Variants in KCNIP4 observed in about 807,000 individuals in gnomAD.
The protein encoded by KCNIP4 is potassium voltage-gated channel interacting protein 4.
A neutral mutation model predicts 34.0 loss-of-function variants in KCNIP4; 12 were observed. That is an observed-to-expected ratio of 0.35 (90% CI 0.23 to 0.57). The LOEUF is 0.57. Among genes scored for constraint, KCNIP4 ranks in the 20% least tolerant of loss-of-function variants. The probability of loss-of-function intolerance (pLI) is 0.83; values close to 1 mark genes in which losing one functional copy is unlikely to be tolerated. For missense variants in KCNIP4, 238 were observed against 311.7 expected, an observed-to-expected ratio of 0.76 and a Z score of 1.78; for synonymous variants, 124 against 102.2, an observed-to-expected ratio of 1.21 and a Z score of -1.29.
At chr4:21,268,250 C>CTG in intron 1 of KCNIP4, among the ~76,000 whole-genome samples, 1 of 151,852 alleles carries the variant, frequency 6.6e-6, no homozygotes, top group Admixed American at 6.5e-5. Flanking sequence ...ATTCAAGTCT[C>CTG]TGTGTATTTT....
chr4:21,060,863 T>C (rs762974370), intron 1 of KCNIP4, among the ~76,000 whole-genome samples: 17 of 152,292 alleles, frequency 1.1e-4, no homozygotes, highest in Non-Finnish European at 1.9e-4. Flanking sequence ...TCTATTTGTA[T>C]ATTTATTTGT....
At chr4:20,769,239 A>G (rs1180516388) in intron 3 of KCNIP4, among the ~76,000 whole-genome samples, 1 of 152,226 alleles carries the variant, frequency 6.6e-6, no homozygotes, top group African/African-American at 2.4e-5. Flanking sequence ...TTCTAGCATA[A>G]TACTAAACAT....
At chr4:20,850,300 T>C (rs1463010606) in intron 3 of KCNIP4, 2 of 328,024 alleles carry the variant, frequency 6.1e-6, no homozygotes, top group African/African-American at 4.1e-5. Flanking sequence ...AACCAAGAAC[T>C]GAATTGAATA....
intron 1 of KCNIP4, among the ~76,000 whole-genome samples, chr4:21,803,848 A>G (rs1218934115): frequency 6.6e-6 from 1 of 152,210 alleles, no homozygotes; most frequent in East Asian, 1.9e-4. Flanking sequence ...ACAGAATAAA[A>G]GCTCCATGAG....
chr4:21,425,209 T>A (rs1725830139), intron 1 of KCNIP4, among the ~76,000 whole-genome samples: 1 of 152,138 alleles, frequency 6.6e-6, no homozygotes, highest in South Asian at 2.1e-4. Flanking sequence ...ATTAATAAAA[T>A]AAAATTATAG....
At position 21,633,091 on chromosome 4, in the gene KCNIP4, T is replaced by A. The variant is rs553492329; in HGVS notation, c.61+315480A>T. On this transcript the variant is annotated intron_variant, in intron 1 of 8. Coordinates refer to ENST00000382152, the MANE Select transcript of KCNIP4 (RefSeq NM_025221.6). ...TGGCAAATTTATACCTATCTACTCT[T>A]TAGGGACTTTTGTACAAGCTCCCTC... Among the ~76,000 whole-genome samples the A allele has an allele frequency of 1.1e-4, 17 of 152,292 alleles. No individual in the cohort carries two copies. In the South Asian group the frequency reaches 2.3e-3, roughly 20 times the overall value.
chr4:21,456,934 T>C (rs370512101), intron 1 of KCNIP4, among the ~76,000 whole-genome samples: 1 of 152,220 alleles, frequency 6.6e-6, no homozygotes, highest in East Asian at 1.9e-4. Context: ...CGGGTCACCC[T>C]GGGCTCCAGG....
intron 1 of KCNIP4, among the ~76,000 whole-genome samples, chr4:21,451,823 A>G (rs168583): frequency 0.48 from 72,994 of 151,868 alleles, 17,798 homozygotes; most frequent in South Asian, 0.53. Flanking sequence ...ACAACATACC[A>G]AATAGGCTTC....
At chr4:21,557,369 AT>A (rs1174924652) in intron 1 of KCNIP4, among the ~76,000 whole-genome samples, 1 of 152,186 alleles carries the variant, frequency 6.6e-6, no homozygotes, top group African/African-American at 2.4e-5. Flanking sequence ...AAAATACAAT[AT>A]TGGAAAAAAA....
intron 1 of KCNIP4, among the ~76,000 whole-genome samples, chr4:21,128,401 C>G (rs1362092972): frequency 6.6e-6 from 1 of 152,132 alleles, no homozygotes; most frequent in Non-Finnish European, 1.5e-5. Flanking sequence ...CATAAGTGTT[C>G]AAATAAATAA....
At chr4:21,087,001 T>A (rs1746504952) in intron 1 of KCNIP4, among the ~76,000 whole-genome samples, 1 of 150,630 alleles carries the variant, frequency 6.6e-6, no homozygotes, top group Non-Finnish European at 1.5e-5. Flanking sequence ...TTTTTTTTTT[T>A]TTGAGTCTTG....
At chr4:21,648,241 A>G (rs563452397) in intron 1 of KCNIP4, among the ~76,000 whole-genome samples, 21 of 152,148 alleles carry the variant, frequency 1.4e-4, no homozygotes, top group South Asian at 4.1e-4. Flanking sequence ...GAGGTAAACC[A>G]TATAAAAATA....
intron 1 of KCNIP4, among the ~76,000 whole-genome samples, chr4:21,208,519 T>C (rs184528917): frequency 6.6e-6 from 1 of 152,332 alleles, no homozygotes; most frequent in Admixed American, 6.5e-5. Context: ...CAACCACACC[T>C]GCCTTTCTGC....
chr4:20,868,020 ATAAT>A (rs1449563560), intron 2 of KCNIP4, among the ~76,000 whole-genome samples: 3 of 101,920 alleles, frequency 2.9e-5, no homozygotes, highest in African/African-American at 1.0e-4. Flanking sequence ...AAGTATAATA[ATAAT>A]AAAAAAAAGA....
At chr4:20,738,874 C>T (rs1350665859) in intron 5 of KCNIP4, among the ~76,000 whole-genome samples, 1 of 152,172 alleles carries the variant, frequency 6.6e-6, no homozygotes, top group Non-Finnish European at 1.5e-5. Flanking sequence ...CCTGGAGAAT[C>T]AGGACACTTC....
At chr4:20,952,529 T>C (rs2149642933) in intron 1 of KCNIP4, among the ~76,000 whole-genome samples, 1 of 152,280 alleles carries the variant, frequency 6.6e-6, no homozygotes, top group African/African-American at 2.4e-5. Context: ...CAAAACTATA[T>C]GTTCAAAGTC....
rs199572069 is a variant in KCNIP4, at chr4:21,767,840, AC to A, written c.61+180730del. ...AAGTGCCAAAGCAACCAAACTTACC[AC>A]CGACATATCTATTTCAGTATTGACA... On this transcript the variant is annotated intron_variant, in intron 1 of 8. Coordinates refer to ENST00000382152, the MANE Select transcript of KCNIP4 (RefSeq NM_025221.6). Among the ~76,000 whole-genome samples the A allele has an allele frequency of 8.7e-3, 1,330 of 152,220 alleles. 19 individuals carry two copies. The highest frequency in any genetic ancestry group is 0.038 in the South Asian group (185 of 4,824).
chr4:21,242,163 C>CAAAAAA (rs11436478), intron 1 of KCNIP4, among the ~76,000 whole-genome samples: 108 of 55,710 alleles, frequency 1.9e-3, no homozygotes, highest in East Asian at 3.2e-3. Flanking sequence ...AATTCTGTCT[C>CAAAAAA]AAAAAAAAAA....
intron 1 of KCNIP4, among the ~76,000 whole-genome samples, chr4:21,917,833 G>A (rs1200838934): frequency 6.6e-6 from 1 of 152,158 alleles, no homozygotes; most frequent in Non-Finnish European, 1.5e-5. Flanking sequence ...GTACTGGATT[G>A]GCAAAAGCAA....
Sources: allele counts gnomAD v4.1 joint callset (sites outside exome capture counted in the v4.1 genomes callset), GRCh38; gene constraint gnomAD v4.1.1; transcripts MANE v1.5; gene names NCBI Gene and HGNC (gene_info 2026-07-23, HGNC 2026-07-21).